The following WDR7 variants were observed in gnomAD, a reference collection of about 807,000 sequenced individuals.
The protein encoded by WDR7 is WD repeat domain 7.
WDR7 carries 46 observed loss-of-function variants against 169.4 expected under a neutral mutation model. The observed-to-expected ratio is 0.27, with a 90% CI of 0.21 to 0.35. The LOEUF (loss-of-function observed/expected upper bound fraction) is 0.35, where lower values mean the gene tolerates loss of function less well. WDR7 is among the 10% of genes least tolerant of loss of function. The probability of loss-of-function intolerance (pLI) is 1.00; values close to 1 mark genes in which losing one functional copy is unlikely to be tolerated. For missense variants in WDR7, 1,534 were observed against 1,859.3 expected, an observed-to-expected ratio of 0.83 and a Z score of 3.22; for synonymous variants, 612 against 666.8, an observed-to-expected ratio of 0.92 and a Z score of 1.27.
chr18:56,912,624 G>A (rs2046568226), intron 21 of WDR7, among the ~76,000 whole-genome samples: 1 of 152,144 alleles, frequency 6.6e-6, no homozygotes, highest in South Asian at 2.1e-4. Flanking sequence ...CAAATCCAAT[G>A]AGTGATTCTC....
intron 26 of WDR7, among the ~76,000 whole-genome samples, chr18:56,986,726 G>GAAAATAAAAAA (rs1244863261): frequency 6.7e-6 from 1 of 150,102 alleles, no homozygotes; most frequent in Non-Finnish European, 1.5e-5. Context: ...AATGACGGGG[G>GAAAATAAAAAA]AAAATAAAAA....
chr18:56,881,029 T>G (rs142281159), intron 21 of WDR7, among the ~76,000 whole-genome samples: 2,130 of 152,338 alleles, frequency 0.014, 28 homozygotes, highest in East Asian at 0.035. Context: ...TTTGCTTTTT[T>G]GGCCTTTAAG....
chr18:56,903,279 C>A (rs8094697), intron 21 of WDR7, among the ~76,000 whole-genome samples: 2 of 152,026 alleles, frequency 1.3e-5, no homozygotes, highest in Non-Finnish European at 2.9e-5. Context: ...GTAATTAGTT[C>A]GGTATTATTT....
At chr18:56,733,497 A>T (rs982057406) in intron 14 of WDR7, among the ~76,000 whole-genome samples, 1 of 152,204 alleles carries the variant, frequency 6.6e-6, no homozygotes, top group Admixed American at 6.5e-5. Context: ...TTTTTACATG[A>T]GTCTTTCAAT....
chr18:56,850,439 T>C (rs1317365845), intron 20 of WDR7, among the ~76,000 whole-genome samples: 1 of 152,168 alleles, frequency 6.6e-6, no homozygotes, highest in Non-Finnish European at 1.5e-5. Flanking sequence ...CTATTTGCCA[T>C]GTATACGTAG....
intron 20 of WDR7, 25 bp downstream of exon 20, chr18:56,816,169 T>C: frequency 6.3e-7 from 1 of 1,577,308 alleles, no homozygotes; most frequent in Non-Finnish European, 8.6e-7. Context: ...CTTTAACGTC[T>C]GATTGGAGCT....
chr18:56,908,253 G>GT (rs781366195), intron 21 of WDR7, among the ~76,000 whole-genome samples: 23 of 152,170 alleles, frequency 1.5e-4, no homozygotes, highest in Non-Finnish European at 2.8e-4. Context: ...TGGGAAACCA[G>GT]TTTTTGGAAT....
At chr18:56,733,543 A>AC (rs151162466) in intron 14 of WDR7, among the ~76,000 whole-genome samples, 418 of 152,298 alleles carry the variant, frequency 2.7e-3, no homozygotes, top group Non-Finnish European at 4.7e-3. Flanking sequence ...CTCTATAGAA[A>AC]GTGCTGCTTT....
Position 56,895,511 on chromosome 18 carries a change from T to C in WDR7, c.3526+15346T>C, listed in dbSNP as rs188365174. Among the ~76,000 whole-genome samples the C allele has an allele frequency of 7.9e-5, 12 of 151,838 alleles. No homozygotes were observed. In the East Asian group the frequency reaches 2.3e-3, roughly 29 times the overall value. ...AAATTTTTTTTACAGTGAATAGATA[T>C]TTGTGTGGTTAAAATAAATTAAAAT... is the stretch of plus-strand genomic sequence containing the variant. On this transcript the variant is annotated intron_variant, in intron 21 of 27. Coordinates refer to ENST00000254442, the MANE Select transcript of WDR7 (RefSeq NM_015285.3).
chr18:56,694,695 A>G lies in WDR7; in HGVS notation c.1043A>G (p.Asp348Gly). 1 of 1,613,560 alleles carries G rather than the reference A, an allele frequency of 6.2e-7. No individual in the cohort carries two copies. The highest frequency in any genetic ancestry group is 8.5e-7 in the Non-Finnish European group (1 of 1,179,684). The change falls in exon 10 of 28, where the codon GAT becomes GGT. Residue 348 changes from aspartate (D) to glycine (G), a missense_variant. By Grantham distance (94) the Asp-to-Gly change is moderately conservative. Coordinates refer to ENST00000254442, the MANE Select transcript of WDR7 (RefSeq NM_015285.3). ...EYFHKLLIQG[D>G]SSGRLNIWNI... ...TTCCATAAACTGTTAATTCAGGGTG[A>G]TTCTTCTGGAAGGTTGAATATTTGG...
chr18:56,840,131 G>A (rs2045459247), intron 20 of WDR7, among the ~76,000 whole-genome samples: 1 of 151,992 alleles, frequency 6.6e-6, no homozygotes, highest in African/African-American at 2.4e-5. Flanking sequence ...ACTCATGATG[G>A]GGAAGGAAGC....
intron 12 of WDR7, among the ~76,000 whole-genome samples, chr18:56,711,554 T>A (rs930843932): frequency 2.6e-5 from 4 of 152,166 alleles, no homozygotes; most frequent in East Asian, 3.8e-4. Context: ...TGTTTTTTTT[T>A]ATACAGTGAA....
At chr18:56,896,532 C>T (rs2046334283) in intron 21 of WDR7, among the ~76,000 whole-genome samples, 1 of 151,802 alleles carries the variant, frequency 6.6e-6, no homozygotes. Context: ...AGAAATCATT[C>T]ATACATGCAT....
intron 7 of WDR7, among the ~76,000 whole-genome samples, chr18:56,687,553 C>A (rs1170409256): frequency 6.6e-6 from 1 of 152,212 alleles, no homozygotes; most frequent in Non-Finnish European, 1.5e-5. Context: ...CTATTTAATT[C>A]TGAATAACAA....
chr18:56,771,308 A>T (rs1215025481), intron 16 of WDR7, among the ~76,000 whole-genome samples: 1 of 152,194 alleles, frequency 6.6e-6, no homozygotes, highest in Non-Finnish European at 1.5e-5. Context: ...CGTTTGGACT[A>T]ACTTTAACAG....
At chr18:56,863,853 G>A (rs1208970900) in intron 20 of WDR7, among the ~76,000 whole-genome samples, 3 of 151,682 alleles carry the variant, frequency 2.0e-5, no homozygotes, top group Non-Finnish European at 4.4e-5. Context: ...ACCTATTGAT[G>A]TACCTTAACA....
At chr18:56,869,401 T>C (rs1324272843) in intron 20 of WDR7, among the ~76,000 whole-genome samples, 1 of 152,194 alleles carries the variant, frequency 6.6e-6, no homozygotes, top group East Asian at 1.9e-4. Context: ...AATAGCATGT[T>C]TGTTTACTTC....
chr18:56,786,520 ACT>A (rs1277465841), intron 19 of WDR7, among the ~76,000 whole-genome samples: 2 of 150,954 alleles, frequency 1.3e-5, no homozygotes, highest in Admixed American at 6.6e-5. Flanking sequence ...CAGGAGCGAG[ACT>A]CTATCTCCAA....
chr18:56,839,032 C>A (rs1345318927), intron 20 of WDR7, among the ~76,000 whole-genome samples: 3 of 152,090 alleles, frequency 2.0e-5, no homozygotes, highest in Admixed American at 1.3e-4. Flanking sequence ...ATTCACCATT[C>A]TCCATATTGT....
Sources: allele counts gnomAD v4.1 joint callset (sites outside exome capture counted in the v4.1 genomes callset), GRCh38; gene constraint gnomAD v4.1.1; transcripts MANE v1.5; gene names NCBI Gene and HGNC (gene_info 2026-07-23, HGNC 2026-07-21).